Variants in RETREG1 observed in about 807,000 individuals in gnomAD.
RETREG1 encodes reticulophagy regulator 1, also known as family with sequence similarity 134 member B.
Under a neutral mutation model 54.8 loss-of-function variants are expected in RETREG1, and 44 were observed. That is an observed-to-expected ratio of 0.80 (90% CI 0.63 to 1.03). The LOEUF (loss-of-function observed/expected upper bound fraction) is 1.03, where lower values mean the gene tolerates loss of function less well. Ranked by LOEUF, RETREG1 falls within the 50% of genes least tolerant of loss-of-function variation. The probability of loss-of-function intolerance (pLI) is 0.00; values close to 1 mark genes in which losing one functional copy is unlikely to be tolerated. For synonymous variants in RETREG1, 217 were observed against 238.5 expected (o/e 0.91, Z 0.83); for missense variants, 554 against 605.1 (o/e 0.92, Z 0.89).
intron 1 of RETREG1, among the ~76,000 whole-genome samples, chr5:16,591,160 G>T (rs1431952623): frequency 3.9e-5 from 6 of 152,214 alleles, no homozygotes; most frequent in African/African-American, 1.2e-4. Context: ...TCAAGCCATA[G>T]TTGAGATGCA....
In RETREG1 at chr5:16,477,959, C is replaced by A. The variant is rs1285810642; in HGVS notation, c.873+75G>T. 4 of 1,350,236 alleles carry A rather than the reference C, an allele frequency of 3.0e-6. No individual in the cohort carries two copies. The Admixed American group carries it at 7.7e-5, about 26-fold the overall frequency. 83.6% of individuals were successfully genotyped at this position (1,350,236 alleles called of 1,614,324 possible). Reference sequence around the variant, plus strand: ...AATATGAGGAGTTTATTAGGAAGATCATTCAGCTTTGTATGCATACATGCA... The same window carrying A: ...AATATGAGGAGTTTATTAGGAAGATAATTCAGCTTTGTATGCATACATGCA... On this transcript the variant is annotated intron_variant, in intron 7 of 8. Transcript: ENST00000306320.
intron 3 of RETREG1, among the ~76,000 whole-genome samples, chr5:16,535,693 G>A (rs1189942746): frequency 1.9e-5 from 2 of 107,212 alleles, no homozygotes. Context: ...CTGTGTGCAC[G>A]CTGCCTTCAC....
chr5:16,552,263 G>T (rs376489810), intron 3 of RETREG1, among the ~76,000 whole-genome samples: 25 of 152,136 alleles, frequency 1.6e-4, no homozygotes, highest in African/African-American at 6.0e-4. Context: ...ATGCCTGGGA[G>T]CCAACAACTC....
rs1297200207 is a variant in RETREG1 at position 16,473,716 on chromosome 5, T to A, written c.*1025A>T. 1.3e-5 allele frequency: 2 copies of A among 152,298 alleles called. No individual in the cohort carries two copies. The highest frequency in any genetic ancestry group is 2.9e-5 in the Non-Finnish European group (2 of 67,996). The allele number at this position is 152,298 out of a possible 1,614,324, so 9.4% of individuals were successfully genotyped here. On this transcript the variant is annotated 3_prime_UTR_variant, in exon 9 of 9. Transcript: ENST00000306320. ...AAATATATATATTCTATCTTCCCAA[T>A]AAGAAACAGATTCCATATTTATACT... is the stretch of plus-strand genomic sequence containing the variant.
At chr5:16,538,107 T>C (rs1222060684) in intron 3 of RETREG1, among the ~76,000 whole-genome samples, 2 of 152,170 alleles carry the variant, frequency 1.3e-5, no homozygotes, top group South Asian at 2.1e-4. Flanking sequence ...CTTCCAGAGC[T>C]GCAGTGCAGC....
At chr5:16,547,087 G>A (rs562159693) in intron 3 of RETREG1, among the ~76,000 whole-genome samples, 7 of 152,294 alleles carry the variant, frequency 4.6e-5, no homozygotes, top group South Asian at 4.1e-4. Context: ...CTATAGGTCC[G>A]GCAGGGTCTG....
chr5:16,529,028 CTATA>C (rs1240174398), intron 3 of RETREG1, among the ~76,000 whole-genome samples: 32 of 152,286 alleles, frequency 2.1e-4, no homozygotes, highest in African/African-American at 7.7e-4. Context: ...CTGGAAGAAA[CTATA>C]TACCCCAAGA....
intron 3 of RETREG1, among the ~76,000 whole-genome samples, chr5:16,524,034 C>T (rs918624193): frequency 1.3e-5 from 2 of 152,170 alleles, no homozygotes; most frequent in African/African-American, 2.4e-5. Context: ...CAACCCTGCC[C>T]CGCCTTCCAT....
At chr5:16,599,214 A>AG (rs1247334924) in intron 1 of RETREG1, among the ~76,000 whole-genome samples, 2 of 152,204 alleles carry the variant, frequency 1.3e-5, no homozygotes, top group African/African-American at 4.8e-5. Flanking sequence ...CTCAATAAAA[A>AG]GGAAAAAATA....
rs571060827 is a variant in RETREG1 at position 16,571,183 on chromosome 5, A to G, written c.427+813T>C. 1.4e-3 allele frequency among the ~76,000 whole-genome samples: 215 copies of G among 152,296 alleles called. 2 individuals are homozygous for G. The highest frequency in any genetic ancestry group is 4.9e-3 in the African/African-American group (204 of 41,574). Reference sequence around the variant, plus strand: ...AGGAGATGGGTGCCTCCCATAGGGCAGGCCTAGATATCCCTGCCAGGACTA... The same window carrying G: ...AGGAGATGGGTGCCTCCCATAGGGCGGGCCTAGATATCCCTGCCAGGACTA... On this transcript the variant is annotated intron_variant, in intron 2 of 8. Coordinates refer to ENST00000306320, the MANE Select transcript of RETREG1 (RefSeq NM_001034850.3).
chr5:16,528,587 C>G (rs1026040506), intron 3 of RETREG1, among the ~76,000 whole-genome samples: 2 of 152,110 alleles, frequency 1.3e-5, no homozygotes, highest in South Asian at 2.1e-4. Flanking sequence ...GCAGGGGGTT[C>G]TGAGACACAT....
chr5:16,505,369 C>G (rs879669678), intron 3 of RETREG1, among the ~76,000 whole-genome samples: 32 of 152,184 alleles, frequency 2.1e-4, no homozygotes, highest in Non-Finnish European at 4.3e-4. Context: ...AGTTTCATTT[C>G]CTCAGCCCCT....
chr5:16,520,495 A>G (rs1015950342), intron 3 of RETREG1, among the ~76,000 whole-genome samples: 1 of 151,542 alleles, frequency 6.6e-6, no homozygotes, highest in Non-Finnish European at 1.5e-5. Flanking sequence ...ACACTCGGCT[A>G]ATTTTTGTAT....
At chr5:16,531,942 A>G (rs948644707) in intron 3 of RETREG1, among the ~76,000 whole-genome samples, 1 of 152,164 alleles carries the variant, frequency 6.6e-6, no homozygotes, top group Non-Finnish European at 1.5e-5. Context: ...ATCCCTGAGC[A>G]TGGCCTTACC....
chr5:16,474,965 C>T lies in RETREG1; in HGVS notation c.1270G>A (p.Ala424Thr). Residue 424 changes from alanine (A) to threonine (T), a missense_variant, in exon 9 of 9, where the codon GCT becomes ACT. This residue lies in a region of RETREG1 where 347 missense variants were observed against 412.3 expected (regional missense o/e 0.84). Coordinates refer to ENST00000306320, the MANE Select transcript of RETREG1 (RefSeq NM_001034850.3). ...ACACCCTCTAACTGGTCTTTGATAGCTGCAGTCACTGCAGCTGTGATAACA... is the reference window on the plus strand; with the variant it reads ...ACACCCTCTAACTGGTCTTTGATAGTTGCAGTCACTGCAGCTGTGATAACA... ...GDVITAAVTA[A>T]IKDQLEGVQQ... 1 of 1,613,902 alleles carries T rather than the reference C, an allele frequency of 6.2e-7. No individual in the cohort carries two copies. The highest frequency in any genetic ancestry group is 2.2e-5 in the East Asian group (1 of 44,866).
intron 3 of RETREG1, among the ~76,000 whole-genome samples, chr5:16,542,279 A>C (rs547225292): frequency 6.6e-6 from 1 of 152,236 alleles, no homozygotes; most frequent in Non-Finnish European, 1.5e-5. Flanking sequence ...CTAAGGAAAA[A>C]CAAACAAAAA....
intron 1 of RETREG1, among the ~76,000 whole-genome samples, chr5:16,586,612 G>A (rs1286298051): frequency 1.3e-5 from 2 of 152,166 alleles, no homozygotes; most frequent in African/African-American, 2.4e-5. Context: ...GGACTGCGAA[G>A]GTGTCTCAGG....
intron 3 of RETREG1, among the ~76,000 whole-genome samples, chr5:16,502,091 G>A (rs541401647): frequency 1.3e-5 from 2 of 151,812 alleles, no homozygotes; most frequent in Admixed American, 6.6e-5. Flanking sequence ...CAAGTAGCTG[G>A]GACTACAGGC....
At position 16,512,058 on chromosome 5, in the gene RETREG1, A is replaced by T. The variant is rs576884717; in HGVS notation, c.459-28586T>A. Reference sequence around the variant, plus strand: ...CTACACAATCGACAAGTGTCCCCCCACTGAAGGCCTAACATGGCTTCTTCA... The same window carrying T: ...CTACACAATCGACAAGTGTCCCCCCTCTGAAGGCCTAACATGGCTTCTTCA... On this transcript the variant is annotated intron_variant, in intron 3 of 8. Coordinates refer to ENST00000306320, the MANE Select transcript of RETREG1 (RefSeq NM_001034850.3). Among the ~76,000 whole-genome samples, 631 of 152,282 alleles carry T rather than the reference A, an allele frequency of 4.1e-3. 6 individuals are homozygous for T. The highest frequency in any genetic ancestry group is 0.014 in the African/African-American group (601 of 41,550).
Sources: gnomAD v4.1 joint callset for allele counts (sites outside exome capture counted in the v4.1 genomes callset) on GRCh38, gnomAD v4.1.1 for gene constraint, gnomAD v4.1.1 regional missense constraint, MANE v1.5 for transcripts, NCBI Gene and HGNC (gene_info 2026-07-23, HGNC 2026-07-21) for gene names.